Variants in ABHD18 observed in about 807,000 individuals in gnomAD.
The protein encoded by ABHD18 is abhydrolase domain containing 18, also known as cardiolipin-specific deacylase, mitochondrial.
A neutral mutation model predicts 65.9 loss-of-function variants in ABHD18; 55 were observed. That is an observed-to-expected ratio of 0.84 (90% confidence interval 0.67 to 1.05). The LOEUF (loss-of-function observed/expected upper bound fraction) is 1.05. Among genes scored for constraint, ABHD18 ranks in the 50% least tolerant of loss-of-function variants. ABHD18 has a pLI of 0.00. For synonymous variants in ABHD18, 181 were observed against 180.2 expected (o/e 1.00, Z -0.04); for missense variants, 533 against 558.5 (o/e 0.95, Z 0.46).
chr4:128,010,330 G>A (rs1286263997), intron 6 of ABHD18, among the ~76,000 whole-genome samples: 2 of 152,086 alleles, frequency 1.3e-5, no homozygotes, highest in Non-Finnish European at 2.9e-5. Flanking sequence ...AGGAGTTCGA[G>A]ACCAGCCTGG....
chr4:127,968,128 T>G (rs1416390837), intron 1 of ABHD18, among the ~76,000 whole-genome samples: 1 of 152,114 alleles, frequency 6.6e-6, no homozygotes, highest in Admixed American at 6.5e-5. Flanking sequence ...GAGAATGGGG[T>G]GAACCCGGGA....
At chr4:127,998,521 G>A (rs1040481637) in intron 4 of ABHD18, among the ~76,000 whole-genome samples, 2 of 150,936 alleles carry the variant, frequency 1.3e-5, no homozygotes, top group Non-Finnish European at 2.9e-5. Context: ...TTACGGGCGT[G>A]AGCCACTGCT....
At chr4:128,014,630 T>A (rs998344816) in intron 7 of ABHD18, among the ~76,000 whole-genome samples, 1 of 152,208 alleles carries the variant, frequency 6.6e-6, no homozygotes, top group Non-Finnish European at 1.5e-5. Context: ...TAATTCATCA[T>A]AAGAAATGGC....
At chr4:128,034,776 G>A (rs1419207440) in intron 12 of ABHD18, among the ~76,000 whole-genome samples, 3 of 151,718 alleles carry the variant, frequency 2.0e-5, no homozygotes, top group African/African-American at 2.4e-5. Context: ...TCAGCCTCCC[G>A]AGTAGCTGGG....
intron 8 of ABHD18, among the ~76,000 whole-genome samples, chr4:128,019,114 C>T (rs1756041200): frequency 6.6e-6 from 1 of 152,068 alleles, no homozygotes; most frequent in Non-Finnish European, 1.5e-5. Flanking sequence ...ATTGTTATCA[C>T]CTAGGTCAGG....
intron 10 of ABHD18, among the ~76,000 whole-genome samples, chr4:128,022,087 C>T (rs1756589286): frequency 6.6e-6 from 1 of 151,984 alleles, no homozygotes; most frequent in African/African-American, 2.4e-5. Flanking sequence ...TGAGGGGTGG[C>T]GGGCTAGGGG....
chr4:127,983,679 CAT>C (rs1749447469), intron 2 of ABHD18, among the ~76,000 whole-genome samples: 2 of 152,086 alleles, frequency 1.3e-5, no homozygotes, highest in African/African-American at 4.8e-5. Flanking sequence ...GCCTGGCTAA[CAT>C]AGTGAAATCC....
chr4:128,025,280 G>A (rs1757181949), intron 10 of ABHD18, among the ~76,000 whole-genome samples: 1 of 152,038 alleles, frequency 6.6e-6, no homozygotes, highest in Non-Finnish European at 1.5e-5. Context: ...TGGGATTATA[G>A]GTATGCACCA....
At chr4:127,997,208 T>G (rs979210738) in intron 4 of ABHD18, among the ~76,000 whole-genome samples, 1 of 152,220 alleles carries the variant, frequency 6.6e-6, no homozygotes, top group African/African-American at 2.4e-5. Flanking sequence ...CCATGAAATC[T>G]TCACAATTTA....
At chr4:127,972,317 T>C (rs1306539871) in intron 1 of ABHD18, among the ~76,000 whole-genome samples, 3 of 152,130 alleles carry the variant, frequency 2.0e-5, no homozygotes, top group Non-Finnish European at 4.4e-5. Context: ...GGCCATGTGA[T>C]TGAACTCACT....
chr4:127,987,661 G>A (rs1040182504), intron 3 of ABHD18, among the ~76,000 whole-genome samples: 5 of 150,478 alleles, frequency 3.3e-5, no homozygotes, highest in Non-Finnish European at 7.4e-5. Flanking sequence ...GCAGTGAGTC[G>A]AGATAGCACT....
At chr4:127,984,043 GAA>G (rs35602390) in intron 2 of ABHD18, among the ~76,000 whole-genome samples, 4 of 137,878 alleles carry the variant, frequency 2.9e-5, no homozygotes, top group East Asian at 2.0e-4. Context: ...TCTCAAGGGG[GAA>G]AAAAAAAAAA....
chr4:128,012,409 A>G (rs530480625), intron 7 of ABHD18, among the ~76,000 whole-genome samples: 3 of 152,206 alleles, frequency 2.0e-5, no homozygotes, highest in Non-Finnish European at 4.4e-5. Context: ...AGGCATTTCC[A>G]TAATCTGTAT....
At chr4:127,976,720 T>C (rs1747988558) in intron 1 of ABHD18, among the ~76,000 whole-genome samples, 1 of 152,188 alleles carries the variant, frequency 6.6e-6, no homozygotes. Flanking sequence ...CTACCAGTCA[T>C]TGGATATACT....
At chr4:127,975,368 A>G (rs1396810231) in intron 1 of ABHD18, among the ~76,000 whole-genome samples, 1 of 151,514 alleles carries the variant, frequency 6.6e-6, no homozygotes, top group Non-Finnish European at 1.5e-5. Flanking sequence ...GAATCTGACT[A>G]CTCTAGGTAT....
At chr4:128,008,557 G>C (rs910458724) in intron 4 of ABHD18, among the ~76,000 whole-genome samples, 1 of 152,004 alleles carries the variant, frequency 6.6e-6, no homozygotes, top group East Asian at 1.9e-4. Flanking sequence ...TTGCAGGCGT[G>C]AGCCACCGCG....
chr4:128,030,827 CCT>C, intron 12 of ABHD18, 155 bp downstream of exon 12: 2 of 1,376,650 alleles, frequency 1.5e-6, no homozygotes, highest in Non-Finnish European at 1.9e-6. Flanking sequence ...GTTACTTTTC[CCT>C]CTTTCCTAGA....
intron 4 of ABHD18, among the ~76,000 whole-genome samples, chr4:128,002,661 TGAGACAGA>T (rs1752872371): frequency 6.6e-6 from 1 of 152,082 alleles, no homozygotes; most frequent in Non-Finnish European, 1.5e-5. Context: ...TTTGTTTGTT[TGAGACAGA>T]GTCTCGCTCT....
At chr4:127,985,911 A>C (rs1749858322) in intron 3 of ABHD18, among the ~76,000 whole-genome samples, 1 of 152,076 alleles carries the variant, frequency 6.6e-6, no homozygotes, top group African/African-American at 2.4e-5. Context: ...GCTACTCGGG[A>C]GGCTGAGACA....
Sources: allele counts gnomAD v4.1 joint callset (sites outside exome capture counted in the v4.1 genomes callset), GRCh38; gene constraint gnomAD v4.1.1; transcripts MANE v1.5; gene names NCBI Gene and HGNC (gene_info 2026-07-23, HGNC 2026-07-21).